HLTF: variants seen among roughly 807,000 people sequenced by gnomAD.
HLTF encodes the protein helicase like transcription factor, also known as DNA-dependent ATPase/E3 ubiquitin-protein ligase HLTF.
A neutral mutation model predicts 129.4 loss-of-function variants in HLTF; 127 were observed. The ratio of observed to expected loss-of-function variants is 0.98; its 90% CI spans 0.85 to 1.14. The LOEUF (loss-of-function observed/expected upper bound fraction) is 1.14, where lower values mean the gene tolerates loss of function less well. HLTF is among the 50% of genes most tolerant of loss of function. HLTF has a pLI of 0.00. For synonymous variants in HLTF, 332 were observed against 388.8 expected, an observed-to-expected ratio of 0.85 and a Z score of 1.72; for missense variants, 1,139 against 1,187.1, an observed-to-expected ratio of 0.96 and a Z score of 0.60.
chr3:149,080,496 A>G (rs1180589881), intron 2 of HLTF, among the ~76,000 whole-genome samples: 1 of 152,214 alleles, frequency 6.6e-6, no homozygotes, highest in African/African-American at 2.4e-5. Context: ...GATATTATCT[A>G]TGAGGCAGAG....
chr3:149,083,109 G>A (rs1720015015), intron 2 of HLTF, among the ~76,000 whole-genome samples: 1 of 152,050 alleles, frequency 6.6e-6, no homozygotes, highest in Non-Finnish European at 1.5e-5. Context: ...AAATTAGCTG[G>A]GCATGATGGC....
In HLTF at chr3:149,050,315, G is replaced by A; in HGVS notation, c.1534C>T (p.Pro512Ser). Residue 512 changes from proline to serine, a missense_variant, in exon 15 of 25, where the codon CCT becomes TCT. By Grantham distance (74) the Pro-to-Ser change is moderately conservative. Coordinates refer to ENST00000310053, the MANE Select transcript of HLTF (RefSeq NM_003071.4). ...VHLNFYVYYG[P>S]DRIREPALLS... is the part of the protein sequence containing the mutation. ...AAGGCCGGTTCTCTAATACGATCAG[G>A]ACCATAATAAACATAAAAATTCAAG... The A allele has an allele frequency of 6.3e-7, 1 of 1,596,616 alleles. No homozygotes were observed. The highest frequency in any genetic ancestry group is 2.2e-5 in the East Asian group (1 of 44,564).
intron 2 of HLTF, among the ~76,000 whole-genome samples, chr3:149,076,719 T>C (rs1313900071): frequency 6.6e-6 from 1 of 152,194 alleles, no homozygotes. Context: ...TTATGATGTA[T>C]ATTTTTAAAA....
At chr3:149,086,273 C>A (rs776075566) in intron 1 of HLTF, 44 bp downstream of exon 1, 6 of 1,590,428 alleles carry the variant, frequency 3.8e-6, no homozygotes, top group African/African-American at 1.3e-5. Flanking sequence ...GGGGACGCCT[C>A]CAGGCCGTTA....
At position 149,038,592 on chromosome 3, in the gene HLTF, T is replaced by C. The variant is rs116690824; in HGVS notation, c.2796+457A>G. Among the ~76,000 whole-genome samples the C allele has an allele frequency of 5.3e-3, 812 of 152,096 alleles. 2 individuals carry two copies. The highest frequency in any genetic ancestry group is 0.024 in the Middle Eastern group (7 of 294). On this transcript the variant is annotated intron_variant, in intron 23 of 24. Coordinates refer to ENST00000310053, the MANE Select transcript of HLTF (RefSeq NM_003071.4). Reference sequence around the variant, plus strand: ...AGCATGGCTCACTGAAACTTCAACCTCCTGGGCCCAAGCAATCAATCTTTC... The same window carrying C: ...AGCATGGCTCACTGAAACTTCAACCCCCTGGGCCCAAGCAATCAATCTTTC...
At chr3:149,058,600 T>C (rs1353456211) in intron 13 of HLTF, among the ~76,000 whole-genome samples, 1 of 152,230 alleles carries the variant, frequency 6.6e-6, no homozygotes, top group African/African-American at 2.4e-5. Context: ...ACTTTGTTTA[T>C]GGCACCTTTT....
chr3:149,049,183 C>G (rs1325549202), intron 15 of HLTF, among the ~76,000 whole-genome samples, 182 bp from the exon 16 acceptor site: 1 of 152,098 alleles, frequency 6.6e-6, no homozygotes, highest in Admixed American at 6.5e-5. Flanking sequence ...TATTAGCACA[C>G]CTAATTTTAC....
At chr3:149,071,128 A>G (rs1718818783) in intron 7 of HLTF, 124 bp downstream of exon 7, 3 of 564,266 alleles carry the variant, frequency 5.3e-6, no homozygotes, top group Middle Eastern at 4.7e-4. Flanking sequence ...TGTTCTACAA[A>G]GATAGTAAGA....
At chr3:149,045,638 A>C (rs1489416777) in intron 18 of HLTF, among the ~76,000 whole-genome samples, 1 of 152,074 alleles carries the variant, frequency 6.6e-6, no homozygotes, top group Admixed American at 6.6e-5. Flanking sequence ...TTCCCCTTTC[A>C]CAGTCCTATT....
At chr3:149,085,363 T>C (rs910432621) in intron 1 of HLTF, among the ~76,000 whole-genome samples, 43 of 151,938 alleles carry the variant, frequency 2.8e-4, no homozygotes, top group African/African-American at 9.9e-4. Context: ...GTGGCGCCCA[T>C]ATGTAATCCC....
At chr3:149,079,373 T>TAAAAAAAAAAAAAAAA (rs71135659) in intron 2 of HLTF, among the ~76,000 whole-genome samples, 2 of 57,232 alleles carry the variant, frequency 3.5e-5, no homozygotes, top group African/African-American at 6.3e-5. Context: ...CGACAGTTTC[T>TAAAAAAAAAAAAAAAA]AAAAAAAAAA....
intron 23 of HLTF, among the ~76,000 whole-genome samples, chr3:149,038,526 G>A (rs1715838371): frequency 6.6e-6 from 1 of 151,604 alleles, no homozygotes; most frequent in African/African-American, 2.4e-5. Flanking sequence ...TTTCAGAGAC[G>A]GGTTCTTGCT....
At chr3:149,063,807 AT>A (rs1290897774) in intron 9 of HLTF, among the ~76,000 whole-genome samples, 2 of 152,206 alleles carry the variant, frequency 1.3e-5, no homozygotes, top group Middle Eastern at 3.4e-3. Flanking sequence ...GCTAAGAGCT[AT>A]TGGAAAAAAA....
At position 149,059,793 on chromosome 3, in the gene HLTF, C is replaced by T. The variant is rs554357628; in HGVS notation, c.1300G>A (p.Val434Ile). 8.2e-6 allele frequency: 13 copies of T among 1,590,768 alleles called. No individual in the cohort carries two copies. The highest frequency in any genetic ancestry group is 2.7e-5 in the African/African-American group (2 of 73,750). ...KGRAKAGSSK[V>I]IEDVAFACAL... ...CATGCAAATGCCACATCTTCTATAACCTTAGAAGATCCTGCTGATAAAACA... is the reference window on the plus strand; with the variant it reads ...CATGCAAATGCCACATCTTCTATAATCTTAGAAGATCCTGCTGATAAAACA... Residue 434 changes from valine (V) to isoleucine (I), a missense_variant, in exon 13 of 25, where the codon GTT becomes ATT. Val to Ile is a conservative substitution (Grantham distance 29). Coordinates refer to ENST00000310053, the MANE Select transcript of HLTF (RefSeq NM_003071.4).
rs539615855 is a variant in HLTF, at chr3:149,086,507, C to A, written c.-171G>T. The stretch of plus-strand genomic sequence containing the variant: ...AGTCGCCGCGAGTCCAGTCAGACGT[C>A]GACGCCGTCTCCTTCTGCAACAATC... On this transcript the variant is annotated 5_prime_UTR_variant, in exon 1 of 25. Transcript: ENST00000310053. The A allele has an allele frequency of 9.8e-4, 651 of 663,936 alleles. 9 individuals are homozygous for A. The highest frequency in any genetic ancestry group is 3.3e-3 in the South Asian group (176 of 53,324). 41.1% of individuals were successfully genotyped at this position (663,936 alleles called of 1,614,324 possible).
At chr3:149,038,801 C>T (rs1715866849) in intron 23 of HLTF, among the ~76,000 whole-genome samples, 1 of 152,168 alleles carries the variant, frequency 6.6e-6, no homozygotes, top group Non-Finnish European at 1.5e-5. Flanking sequence ...GCATGTGCCA[C>T]AGCACCTGGC....
At chr3:149,071,554 G>A in intron 6 of HLTF, 29 bp downstream of exon 6, 1 of 1,499,104 alleles carries the variant, frequency 6.7e-7, no homozygotes, top group Non-Finnish European at 9.2e-7. Context: ...ATTCTGAGTA[G>A]TCTTAAATAA....
chr3:149,054,585 A>G (rs1717269805), intron 14 of HLTF, among the ~76,000 whole-genome samples: 1 of 152,192 alleles, frequency 6.6e-6, no homozygotes, highest in South Asian at 2.1e-4. Context: ...TCATAACAAG[A>G]AGTTTGAAGC....
chr3:149,039,178 TTTC>T lies in HLTF; in HGVS notation c.2664_2666del (p.Lys889del), dbSNP rs1559855106. 6.2e-7 allele frequency: 1 copy of T among 1,610,160 alleles called. No individual in the cohort carries two copies. The highest frequency in any genetic ancestry group is 1.1e-5 in the South Asian group (1 of 90,226). On this transcript the variant is annotated inframe_deletion, in exon 23 of 25. Coordinates refer to ENST00000310053, the MANE Select transcript of HLTF (RefSeq NM_003071.4). ...GAAAACACTGAATTGATTCAACTCT[TTTC>T]TTTTGGGCCATGGAACCATCCAAAC...
Sources: gnomAD v4.1 joint callset for allele counts (sites outside exome capture counted in the v4.1 genomes callset) on GRCh38, gnomAD v4.1.1 for gene constraint, MANE v1.5 for transcripts, NCBI Gene and HGNC (gene_info 2026-07-23, HGNC 2026-07-21) for gene names.